The following RYR2 variants were observed in gnomAD, a reference collection of about 807,000 sequenced individuals.
RYR2 encodes cardiac muscle ryanodine receptor-calcium release channel.
In RYR2, 227 loss-of-function variants were observed where a neutral mutation model predicts 601.1. The observed-to-expected ratio is 0.38, with a 90% CI of 0.34 to 0.42. The LOEUF (loss-of-function observed/expected upper bound fraction) is 0.42. Among genes scored for constraint, RYR2 ranks in the 10% least tolerant of loss-of-function variants. The probability of loss-of-function intolerance (pLI) is 1.00; values close to 1 mark genes in which losing one functional copy is unlikely to be tolerated. For missense variants in RYR2, 4,646 were observed against 6,156.5 expected (o/e 0.75, Z 8.21); for synonymous variants, 2,223 against 2,175.1 (o/e 1.02, Z -0.61).
At chr1:237,461,272 A>G (rs1659451759) in intron 16 of RYR2, among the ~76,000 whole-genome samples, 1 of 152,202 alleles carries the variant, frequency 6.6e-6, no homozygotes, top group Admixed American at 6.6e-5. Flanking sequence ...TCAGATCTCA[A>G]TGACATTCAT....
At chr1:237,728,699 C>T (rs1490247506) in intron 76 of RYR2, among the ~76,000 whole-genome samples, 3 of 151,668 alleles carry the variant, frequency 2.0e-5, no homozygotes, top group Non-Finnish European at 4.4e-5. Flanking sequence ...AAATAAAATA[C>T]CACATGTTCT....
chr1:237,454,830 C>T (rs1431808401), intron 15 of RYR2, among the ~76,000 whole-genome samples: 4 of 152,136 alleles, frequency 2.6e-5, no homozygotes, highest in African/African-American at 9.7e-5. Flanking sequence ...GTCTGCTCAG[C>T]CCTCACCCTG....
intron 25 of RYR2, among the ~76,000 whole-genome samples, chr1:237,534,078 T>A (rs1668381591): frequency 6.6e-6 from 1 of 152,114 alleles, no homozygotes; most frequent in African/African-American, 2.4e-5. Flanking sequence ...GATATACAGC[T>A]ATAAGAGGTA....
intron 1 of RYR2, among the ~76,000 whole-genome samples, chr1:237,251,278 G>T (rs749773505): frequency 1.3e-5 from 2 of 152,008 alleles, no homozygotes; most frequent in African/African-American, 2.4e-5. Flanking sequence ...TGTACCTGCT[G>T]CTCTGCTGCT....
intron 101 of RYR2, among the ~76,000 whole-genome samples, chr1:237,825,022 A>G (rs12060867): frequency 0.049 from 7,482 of 152,258 alleles, 473 homozygotes; most frequent in East Asian, 0.21. Context: ...AGAGAACACA[A>G]ACAAATGGAA....
At chr1:237,225,913 G>C (rs901497137) in intron 1 of RYR2, among the ~76,000 whole-genome samples, 4 of 152,088 alleles carry the variant, frequency 2.6e-5, no homozygotes, top group African/African-American at 7.2e-5. Flanking sequence ...AAATTAGCTG[G>C]GTGTGGTGGC....
chr1:237,058,675 T>C (rs1373746825), intron 1 of RYR2, among the ~76,000 whole-genome samples: 2 of 152,010 alleles, frequency 1.3e-5, no homozygotes, highest in Non-Finnish European at 2.9e-5. Context: ...CCAGCACTTT[T>C]GGAGCCAGGG....
chr1:237,440,471 C>G (rs1707807068), intron 12 of RYR2, among the ~76,000 whole-genome samples: 1 of 151,942 alleles, frequency 6.6e-6, no homozygotes, highest in South Asian at 2.1e-4. Flanking sequence ...ATAGTGAGTT[C>G]CTGAAGATCA....
At chr1:237,641,471 GTCTT>G (rs796832994) in intron 47 of RYR2, among the ~76,000 whole-genome samples, 6,131 of 108,242 alleles carry the variant, frequency 0.057, 175 homozygotes, top group East Asian at 0.1. Context: ...GTGTCTGTCT[GTCTT>G]TCTTTCTTTC....
intron 20 of RYR2, among the ~76,000 whole-genome samples, chr1:237,499,432 T>A (rs1374353782): frequency 6.6e-6 from 1 of 152,238 alleles, no homozygotes; most frequent in Non-Finnish European, 1.5e-5. Flanking sequence ...ATAGAGGGTC[T>A]ATAAAGCTAT....
intron 23 of RYR2, among the ~76,000 whole-genome samples, chr1:237,509,205 ACC>A (rs1393535660): frequency 1.3e-5 from 2 of 151,924 alleles, no homozygotes; most frequent in Admixed American, 6.6e-5. Context: ...TTGTGTTAGC[ACC>A]CGCACCTTTC....
At chr1:237,453,590 T>C (rs1000059891) in intron 14 of RYR2, among the ~76,000 whole-genome samples, 11 of 152,170 alleles carry the variant, frequency 7.2e-5, no homozygotes, top group African/African-American at 2.4e-4. Context: ...GTCATGGCTA[T>C]AGAATATTAC....
intron 1 of RYR2, among the ~76,000 whole-genome samples, chr1:237,153,431 C>T (rs1306769680): frequency 4.6e-5 from 7 of 152,098 alleles, no homozygotes; most frequent in Admixed American, 2.6e-4. Flanking sequence ...TTTTAAATAA[C>T]GATGGACCTT....
intron 17 of RYR2, among the ~76,000 whole-genome samples, chr1:237,475,066 A>G (rs907514118): frequency 1.3e-5 from 2 of 152,228 alleles, no homozygotes; most frequent in African/African-American, 4.8e-5. Context: ...ATACTATTTT[A>G]TATGCTTTAC....
intron 3 of RYR2, among the ~76,000 whole-genome samples, chr1:237,352,353 A>G (rs1047295026): frequency 3.3e-5 from 5 of 152,158 alleles, no homozygotes; most frequent in East Asian, 1.9e-4. Context: ...TTATATTAGT[A>G]TAATGAAACA....
chr1:237,500,415 A>G (rs1450468774), intron 20 of RYR2, among the ~76,000 whole-genome samples: 1 of 152,200 alleles, frequency 6.6e-6, no homozygotes, highest in Non-Finnish European at 1.5e-5. Flanking sequence ...TGACATCATT[A>G]TATAATCTGC....
In RYR2 at chr1:237,486,080, A is replaced by C. The variant is rs532519564; in HGVS notation, c.1709-5726A>C. Reference sequence around the variant, plus strand: ...GAATTTTAACAATTAGATTTAGGAAAATGAGAAAGTGAAAGAGGATTCAAA... The same window carrying C: ...GAATTTTAACAATTAGATTTAGGAACATGAGAAAGTGAAAGAGGATTCAAA... On this transcript the variant is annotated intron_variant, in intron 17 of 104. Transcript: ENST00000366574. Among the ~76,000 whole-genome samples, 3 of 152,268 alleles carry C rather than the reference A, an allele frequency of 2.0e-5. No individual in the cohort carries two copies. In the South Asian group the frequency reaches 6.2e-4, roughly 32 times the overall value.
At chr1:237,598,948 A>G (rs969866288) in intron 34 of RYR2, among the ~76,000 whole-genome samples, 8 of 152,104 alleles carry the variant, frequency 5.3e-5, no homozygotes, top group African/African-American at 4.8e-5. Flanking sequence ...TGAAAAGAAG[A>G]CATTACAACC....
intron 1 of RYR2, among the ~76,000 whole-genome samples, chr1:237,188,648 C>T (rs987925743): frequency 5.9e-5 from 9 of 152,214 alleles, no homozygotes; most frequent in Middle Eastern, 3.4e-3. Context: ...TCACTGCAAC[C>T]TCTACCTCCC....
Sources: gnomAD v4.1 joint callset for allele counts (sites outside exome capture counted in the v4.1 genomes callset) on GRCh38, gnomAD v4.1.1 for gene constraint, MANE v1.5 for transcripts, NCBI Gene and HGNC (gene_info 2026-07-23, HGNC 2026-07-21) for gene names.